Variants in ZNF470 observed in about 807,000 individuals in gnomAD.
ZNF470 encodes zinc finger protein 470.
Under a neutral mutation model 13.9 loss-of-function variants are expected in ZNF470, and 13 were observed. The observed-to-expected ratio is 0.94, with a 90% CI of 0.61 to 1.49. The LOEUF is 1.49. ZNF470 is among the 40% of genes most tolerant of loss of function. The probability of loss-of-function intolerance (pLI) is 0.00; values close to 1 mark genes in which losing one functional copy is unlikely to be tolerated. For missense variants in ZNF470, 929 were observed against 857.3 expected, an observed-to-expected ratio of 1.08 and a Z score of -1.04; for synonymous variants, 293 against 282.9, an observed-to-expected ratio of 1.04 and a Z score of -0.36.
Position 56,578,372 on chromosome 19 carries a change from CT to C in ZNF470, c.1945del (p.Tyr649MetfsTer104). 1 of 1,611,636 alleles carries C rather than the reference CT, an allele frequency of 6.2e-7. No homozygotes were observed. ...LHQRIHTGEK[P>X]YECKECSKAF... The stretch of plus-strand genomic sequence containing the variant: ...CAGAGAATTCATACAGGAGAGAAAC[CT>C]TATGAGTGTAAGGAATGTAGCAAAG... On this transcript the variant is annotated frameshift_variant, in exon 6 of 6. Coordinates refer to ENST00000330619, the MANE Select transcript of ZNF470 (RefSeq NM_001001668.4). LOFTEE classifies it low-confidence loss of function (END_TRUNC).
rs1478512359 is a variant in ZNF470 at position 56,567,846 on chromosome 19, C to A, written c.-351C>A. ...AGGAAACCCGGCCGGAGGAGGCTTA[C>A]CCCGTTCTCCCCTGTATCGACTGCG... On this transcript the variant is annotated 5_prime_UTR_variant, in exon 1 of 6. Coordinates refer to ENST00000330619, the MANE Select transcript of ZNF470 (RefSeq NM_001001668.4). 1.3e-5 allele frequency: 13 copies of A among 985,918 alleles called. No homozygotes were observed. Among genetic ancestry groups the A allele is most frequent in the Non-Finnish European group, 1.6e-5 (13 of 830,554 alleles). The allele number at this position is 985,918 out of a possible 1,614,324, so 61.1% of individuals were successfully genotyped here. A position where few individuals can be genotyped will look rare whatever the true frequency, so the allele number is the denominator to read the frequency against.
chr19:56,580,161 A>G lies in ZNF470; in HGVS notation c.*1578A>G, dbSNP rs79922228. ...CTTACTATCCCCAGAACATGTTGGT[A>G]TTAGAGGATGAGGGAAGAACTAGAG... On this transcript the variant is annotated 3_prime_UTR_variant, in exon 6 of 6. Coordinates refer to ENST00000330619, the MANE Select transcript of ZNF470 (RefSeq NM_001001668.4). 1.2e-3 allele frequency: 1,202 copies of G among 983,758 alleles called. 19 individuals carry two copies. The African/African-American group carries it at 0.02, about 17-fold the overall frequency. 60.9% of individuals were successfully genotyped at this position (983,758 alleles called of 1,614,324 possible). A position where few individuals can be genotyped will look rare whatever the true frequency, so the allele number is the denominator to read the frequency against.
intron 5 of ZNF470, among the ~76,000 whole-genome samples, chr19:56,575,425 G>A (rs1255765380): frequency 6.7e-6 from 1 of 149,914 alleles, no homozygotes; most frequent in Non-Finnish European, 1.5e-5. Context: ...TGCTCACTGG[G>A]ATTTTTGACG....
chr19:56,574,614 T>A (rs1281099463), intron 4 of ZNF470, 24 bp from the exon 5 acceptor site: 1 of 1,612,242 alleles, frequency 6.2e-7, no homozygotes, highest in Admixed American at 1.7e-5. Context: ...CATAGGCAAT[T>A]TTTATATGTC....
Position 56,581,378 on chromosome 19 carries a change from T to C in ZNF470, c.*2795T>C. 1.0e-6 allele frequency: 1 copy of C among 957,014 alleles called. No individual in the cohort carries two copies. Among genetic ancestry groups the C allele is most frequent in the South Asian group, 4.8e-5 (1 of 20,674 alleles). The allele number at this position is 957,014 out of a possible 1,614,324, so 59.3% of individuals were successfully genotyped here. ...GGAAACAAGGGAATTCCATTGTTGA[T>C]TACATATCTATTGCTTTATGTATAT... On this transcript the variant is annotated 3_prime_UTR_variant, in exon 6 of 6. Coordinates refer to ENST00000330619, the MANE Select transcript of ZNF470 (RefSeq NM_001001668.4).
Position 56,581,533 on chromosome 19 carries a change from G to T in ZNF470, c.*2950G>T. On this transcript the variant is annotated 3_prime_UTR_variant, in exon 6 of 6. Coordinates refer to ENST00000330619, the MANE Select transcript of ZNF470 (RefSeq NM_001001668.4). ...CAGGGTAATAAATAAATTAATTATG[G>T]TATATATCCATTCAATAGGAATTAT... is the stretch of plus-strand genomic sequence containing the variant. 1.3e-6 allele frequency: 1 copy of T among 787,418 alleles called. No homozygotes were observed. Among genetic ancestry groups the T allele is most frequent in the Non-Finnish European group, 1.5e-6 (1 of 649,936 alleles). 48.8% of individuals were successfully genotyped at this position (787,418 alleles called of 1,614,324 possible).
At chr19:56,572,614 G>A (rs1259143104) in intron 3 of ZNF470, among the ~76,000 whole-genome samples, 2 of 150,082 alleles carry the variant, frequency 1.3e-5, no homozygotes, top group Non-Finnish European at 3.0e-5. Flanking sequence ...CCAGACCATG[G>A]TGCGTTTACC....
Position 56,581,264 on chromosome 19 carries a change from A to C in ZNF470, c.*2681A>C. The C allele has an allele frequency of 1.5e-6, 1 of 647,810 alleles. No homozygotes were observed. Among genetic ancestry groups the C allele is most frequent in the Non-Finnish European group, 1.9e-6 (1 of 522,212 alleles). 40.1% of individuals were successfully genotyped at this position (647,810 alleles called of 1,614,324 possible). On this transcript the variant is annotated 3_prime_UTR_variant, in exon 6 of 6. Transcript: ENST00000330619. ...ATGAAAATTATCCAATATCACTAGA[A>C]ATCAAGAAATGCAAATTAAAGTGAT...
rs760147015 is a variant in ZNF470 at position 56,578,056 on chromosome 19, G to A, written c.1627G>A (p.Gly543Ser). ...GAAACCTTATGAATGTAAGGAATGT[G>A]GTAAGGCCTTCAGTCAGATTGCACA... ...GEKPYECKECGKAFSQIAHLV... is the reference protein window; with the variant it reads ...GEKPYECKECSKAFSQIAHLV... The change falls in exon 6 of 6, where the codon GGT (glycine) becomes AGT (serine). Residue 543 changes from glycine to serine, a missense_variant. Coordinates refer to ENST00000330619, the MANE Select transcript of ZNF470 (RefSeq NM_001001668.4). 78 of 1,613,810 alleles carry A rather than the reference G, an allele frequency of 4.8e-5. No homozygotes were observed. The highest frequency in any genetic ancestry group is 6.4e-5 in the Non-Finnish European group (75 of 1,180,020).
Position 56,579,613 on chromosome 19 carries a change from C to A in ZNF470, c.*1030C>A, listed in dbSNP as rs1230313275. 1.0e-6 allele frequency: 1 copy of A among 985,242 alleles called. No individual in the cohort carries two copies. The highest frequency in any genetic ancestry group is 1.1e-4 in the East Asian group (1 of 8,826). 61.0% of individuals were successfully genotyped at this position (985,242 alleles called of 1,614,324 possible). On this transcript the variant is annotated 3_prime_UTR_variant, in exon 6 of 6. Transcript: ENST00000330619. The stretch of plus-strand genomic sequence containing the variant: ...TCGTGTGGTATTTAAATTGTTCTAG[C>A]ATAAAATAAAATGCAATAAGACCTT...
Position 56,579,879 on chromosome 19 carries a change from T to C in ZNF470, c.*1296T>C, listed in dbSNP as rs543387109. On this transcript the variant is annotated 3_prime_UTR_variant, in exon 6 of 6. Coordinates refer to ENST00000330619, the MANE Select transcript of ZNF470 (RefSeq NM_001001668.4). ...AGTTGAGAAGCTGATTCTGATCATCTGTAGAATTTTGATTTTAACGAGGAA... is the reference window on the plus strand; with the variant it reads ...AGTTGAGAAGCTGATTCTGATCATCCGTAGAATTTTGATTTTAACGAGGAA... The C allele has an allele frequency of 2.1e-6, 1 of 482,084 alleles. No individual in the cohort carries two copies. Among genetic ancestry groups the C allele is most frequent in the Admixed American group, 6.4e-5 (1 of 15,662 alleles). The allele number at this position is 482,084 out of a possible 1,614,324, so 29.9% of individuals were successfully genotyped here. A position where few individuals can be genotyped will look rare whatever the true frequency, so the allele number is the denominator to read the frequency against.
intron 1 of ZNF470, 119 bp downstream of exon 1, chr19:56,568,157 G>C: frequency 1.0e-6 from 1 of 972,598 alleles, no homozygotes; most frequent in Non-Finnish European, 1.2e-6. Context: ...AGTGGACCTG[G>C]AAGTCGAAAG....
Position 56,576,781 on chromosome 19 carries a change from C to A in ZNF470, c.352C>A (p.Pro118Thr). 6.5e-7 allele frequency: 1 copy of A among 1,541,716 alleles called. No homozygotes were observed. Among genetic ancestry groups the A allele is most frequent in the South Asian group, 1.3e-5 (1 of 77,420 alleles). Residue 118 changes from proline (P) to threonine (T), a missense_variant, in exon 6 of 6, where the codon CCG becomes ACG. Pro to Thr is a conservative substitution (Grantham distance 38). Coordinates refer to ENST00000330619, the MANE Select transcript of ZNF470 (RefSeq NM_001001668.4). ...NQDIYEEKLP[P>T]AIIMERLKSY... ...GGATATTTATGAAGAAAAATTACCCCCGGCAATCATAATGGAAAGACTTAA... is the reference window on the plus strand; with the variant it reads ...GGATATTTATGAAGAAAAATTACCCACGGCAATCATAATGGAAAGACTTAA...
In ZNF470 at chr19:56,567,783, G is replaced by T. The variant is rs946852999; in HGVS notation, c.-414G>T. 2.0e-6 allele frequency: 2 copies of T among 987,352 alleles called. No individual in the cohort carries two copies. Among genetic ancestry groups the T allele is most frequent in the Non-Finnish European group, 2.4e-6 (2 of 831,508 alleles). The allele number at this position is 987,352 out of a possible 1,614,324, so 61.2% of individuals were successfully genotyped here. A position where few individuals can be genotyped will look rare whatever the true frequency, so the allele number is the denominator to read the frequency against. On this transcript the variant is annotated 5_prime_UTR_variant, in exon 1 of 6. Coordinates refer to ENST00000330619, the MANE Select transcript of ZNF470 (RefSeq NM_001001668.4). ...CCCGGCGGCGTGCGGAAGGCGGTGT[G>T]TGTTGGAATGAGTGAAGCACTTTAA... is the stretch of plus-strand genomic sequence containing the variant.
chr19:56,579,733 AT>A lies in ZNF470; in HGVS notation c.*1155del. The A allele has an allele frequency of 1.0e-6, 1 of 980,020 alleles. No individual in the cohort carries two copies. The highest frequency in any genetic ancestry group is 1.2e-6 in the Non-Finnish European group (1 of 824,996). The allele number at this position is 980,020 out of a possible 1,614,324, so 60.7% of individuals were successfully genotyped here. A position where few individuals can be genotyped will look rare whatever the true frequency, so the allele number is the denominator to read the frequency against. On this transcript the variant is annotated 3_prime_UTR_variant, in exon 6 of 6. Transcript: ENST00000330619. Reference sequence around the variant, plus strand: ...AATGTAGATGTTACAACTTAAACTTATTTTTAAAATATTTAAAAATAGGAAG... The same window carrying A: ...AATGTAGATGTTACAACTTAAACTTATTTTAAAATATTTAAAAATAGGAAG...
At chr19:56,575,727 C>T (rs2044484109) in intron 5 of ZNF470, among the ~76,000 whole-genome samples, 1 of 152,126 alleles carries the variant, frequency 6.6e-6, no homozygotes, top group South Asian at 2.1e-4. Flanking sequence ...CCCACCACAG[C>T]TTCTTGAGTA....
At chr19:56,573,339 C>A (rs2044468314) in intron 3 of ZNF470, among the ~76,000 whole-genome samples, 1 of 152,164 alleles carries the variant, frequency 6.6e-6, no homozygotes, top group African/African-American at 2.4e-5. Flanking sequence ...TACTATATTT[C>A]CATTTTTCAG....
At chr19:56,573,986 T>C in intron 3 of ZNF470, 3 of 983,560 alleles carry the variant, frequency 3.1e-6, no homozygotes, top group Non-Finnish European at 3.6e-6. Context: ...GTTCATCAGG[T>C]CAGCATCCTT....
Position 56,570,282 on chromosome 19 carries a change from C to G in ZNF470, c.-30C>G, listed in dbSNP as rs2044442236. 6.2e-7 allele frequency: 1 copy of G among 1,609,480 alleles called. No homozygotes were observed. The highest frequency in any genetic ancestry group is 1.3e-5 in the African/African-American group (1 of 74,872). On this transcript the variant is annotated splice_region_variant and 5_prime_UTR_variant, in exon 3 of 6. Transcript: ENST00000330619. ...TCACTACTTCTTTTTCTCCCCAGCT[C>G]TACAATCCCAGAGTAAAGCTCTTCT...
Sources: gnomAD v4.1 joint callset for allele counts (sites outside exome capture counted in the v4.1 genomes callset) on GRCh38, gnomAD v4.1.1 for gene constraint, MANE v1.5 for transcripts, NCBI Gene and HGNC (gene_info 2026-07-23, HGNC 2026-07-21) for gene names.